The following ACAD11 variants were observed in gnomAD, a reference collection of about 807,000 sequenced individuals.
The protein encoded by ACAD11 is acyl-CoA dehydrogenase family member 11.
ACAD11 carries 83 observed loss-of-function variants against 102.2 expected under a neutral mutation model. The observed-to-expected ratio is 0.81, with a 90% confidence interval of 0.68 to 0.97. The LOEUF is 0.97. Among genes scored for constraint, ACAD11 ranks in the 50% least tolerant of loss-of-function variants. The probability of loss-of-function intolerance (pLI) is 0.00; values close to 1 mark genes in which losing one functional copy is unlikely to be tolerated. For synonymous variants in ACAD11, 324 were observed against 319.8 expected (o/e 1.01, Z -0.14); for missense variants, 901 against 951.7 (o/e 0.95, Z 0.70).
chr3:132,631,480 C>A lies in ACAD11; in HGVS notation c.703-1G>T, dbSNP rs1473906910. ...AATCCAGCACTGCTATAACTCGACA[C>A]TGTAATTAAAAATAAAGAGGTCTGT... is the stretch of plus-strand genomic sequence containing the variant. On this transcript the variant is annotated splice_acceptor_variant, in intron 5 of 19. Coordinates refer to ENST00000264990, the MANE Select transcript of ACAD11 (RefSeq NM_032169.5). LOFTEE classifies it high-confidence loss of function. The A allele has an allele frequency of 1.4e-6, 2 of 1,460,788 alleles. No individual in the cohort carries two copies. Among genetic ancestry groups the A allele is most frequent in the Non-Finnish European group, 9.1e-7 (1 of 1,101,922 alleles). The allele number at this position is 1,460,788 out of a possible 1,614,324, so 90.5% of individuals were successfully genotyped here. A position where few individuals can be genotyped will look rare whatever the true frequency, so the allele number is the denominator to read the frequency against.
chr3:132,620,886 A>G (rs995008993), intron 9 of ACAD11, among the ~76,000 whole-genome samples: 1 of 152,082 alleles, frequency 6.6e-6, no homozygotes, highest in South Asian at 2.1e-4. Flanking sequence ...ATTCTCACAC[A>G]CTCCAAAATT....
At chr3:132,610,105 C>T (rs768827742) in intron 11 of ACAD11, among the ~76,000 whole-genome samples, 1 of 152,024 alleles carries the variant, frequency 6.6e-6, no homozygotes, top group Non-Finnish European at 1.5e-5. Context: ...TCAATAAACT[C>T]GGTATTGATA....
At position 132,558,657 on chromosome 3, in the gene ACAD11, C is replaced by T. The variant is rs1356135808; in HGVS notation, c.*314G>A. ...CTAGGACTACAAGCATGTGCCACCA[C>T]ACTTGTTTCATTTTTAAATTTTTTG... On this transcript the variant is annotated 3_prime_UTR_variant, in exon 20 of 20. Coordinates refer to ENST00000264990, the MANE Select transcript of ACAD11 (RefSeq NM_032169.5). The T allele has an allele frequency of 1.2e-5, 3 of 251,516 alleles. No individual in the cohort carries two copies. Among genetic ancestry groups the T allele is most frequent in the Non-Finnish European group, 2.3e-5 (3 of 132,790 alleles). The allele number at this position is 251,516 out of a possible 1,614,324, so 15.6% of individuals were successfully genotyped here.
chr3:132,583,754 T>G (rs184773464), intron 13 of ACAD11, among the ~76,000 whole-genome samples: 3,080 of 152,348 alleles, frequency 0.02, 53 homozygotes, highest in Non-Finnish European at 0.032. Flanking sequence ...GTTGTGTCTT[T>G]GTTCTCGTTG....
intron 13 of ACAD11, among the ~76,000 whole-genome samples, chr3:132,593,766 G>C (rs140256123): frequency 6.6e-6 from 1 of 152,154 alleles, no homozygotes; most frequent in Non-Finnish European, 1.5e-5. Flanking sequence ...GAGGGTGTGG[G>C]GAGAGAGATT....
At chr3:132,650,574 A>G (rs1940892837) in intron 1 of ACAD11, among the ~76,000 whole-genome samples, 1 of 152,218 alleles carries the variant, frequency 6.6e-6, no homozygotes, top group Admixed American at 6.5e-5. Context: ...ACACAGGGTA[A>G]GGAAATACAG....
intron 4 of ACAD11, among the ~76,000 whole-genome samples, chr3:132,640,741 A>G (rs1437935329): frequency 6.6e-6 from 1 of 152,136 alleles, no homozygotes; most frequent in African/African-American, 2.4e-5. Context: ...TATATCTTAG[A>G]GTTGTTGTAA....
Position 132,644,848 on chromosome 3 carries a change from T to C in ACAD11, c.198A>G (p.Thr66=), listed in dbSNP as rs1050266883. The C allele has an allele frequency of 1.9e-6, 3 of 1,613,182 alleles. No individual in the cohort carries two copies. The South Asian group carries it at 3.3e-5, about 18-fold the overall frequency. The change falls in exon 2 of 20, where the codon ACA becomes ACG. Residue 66 remains threonine, a synonymous_variant. Coordinates refer to ENST00000264990, the MANE Select transcript of ACAD11 (RefSeq NM_032169.5). ...PTFYLQKGFQ[T]YVLRKKPPGS... is the part of the protein sequence containing the mutation. ...CTGGTGGTTTTTTCCTGAGCACATA[T>C]GTTTGAAAGCCCTTCTGGAGATAAA...
intron 13 of ACAD11, among the ~76,000 whole-genome samples, chr3:132,590,919 C>T (rs1938047232): frequency 6.6e-6 from 1 of 152,168 alleles, no homozygotes; most frequent in South Asian, 2.1e-4. Flanking sequence ...TTGTCAGATA[C>T]ATAGTTTGCA....
chr3:132,605,993 T>C (rs960147399), intron 11 of ACAD11, among the ~76,000 whole-genome samples: 4 of 152,208 alleles, frequency 2.6e-5, no homozygotes, highest in African/African-American at 9.6e-5. Context: ...CACTGCAGTA[T>C]TGCCCTTGGC....
At chr3:132,565,693 G>A (rs1456122) in intron 17 of ACAD11, among the ~76,000 whole-genome samples, 20,821 of 152,144 alleles carry the variant, frequency 0.14, 1,967 homozygotes, top group East Asian at 0.54. Context: ...GGTCATGGGG[G>A]AATATCCCTC....
chr3:132,576,799 C>G (rs1937530503), intron 16 of ACAD11, 145 bp downstream of exon 16: 2 of 641,788 alleles, frequency 3.1e-6, no homozygotes, highest in Admixed American at 6.6e-5. Context: ...AATTGCAGTT[C>G]AAAAACCGCA....
Position 132,652,562 on chromosome 3 carries a change from AT to A in ACAD11, c.149+7040del, listed in dbSNP as rs59780655. Among the ~76,000 whole-genome samples the A allele has an allele frequency of 6.3e-4, 94 of 148,538 alleles. 1 individual carries two copies. Among genetic ancestry groups the A allele is most frequent in the African/African-American group, 1.7e-3 (68 of 40,648 alleles). ...CAAAACTCCCATCCATGTTAAATCC[AT>A]TTTTTTTTTGCTTACACTGATATAA... is the stretch of plus-strand genomic sequence containing the variant. On this transcript the variant is annotated intron_variant, in intron 1 of 19. Transcript: ENST00000264990.
chr3:132,634,013 TA>T (rs1423749604), intron 5 of ACAD11, among the ~76,000 whole-genome samples: 1 of 152,054 alleles, frequency 6.6e-6, no homozygotes, highest in Non-Finnish European at 1.5e-5. Flanking sequence ...ACTTCATGTC[TA>T]AAACACCAAA....
At chr3:132,596,954 AG>A (rs1938337770) in intron 13 of ACAD11, among the ~76,000 whole-genome samples, 1 of 152,218 alleles carries the variant, frequency 6.6e-6, no homozygotes, top group Non-Finnish European at 1.5e-5. Context: ...GTATTTCTCT[AG>A]ATGCTACCTA....
intron 17 of ACAD11, among the ~76,000 whole-genome samples, chr3:132,562,053 T>A (rs114905791): frequency 1.1e-4 from 16 of 152,358 alleles, no homozygotes; most frequent in Admixed American, 2.6e-4. Flanking sequence ...ATGTATCAGT[T>A]GGTTTATCCA....
chr3:132,559,714 C>T (rs1936989406), intron 19 of ACAD11, 119 bp downstream of exon 19: 3 of 739,442 alleles, frequency 4.1e-6, no homozygotes, highest in African/African-American at 1.8e-5. Flanking sequence ...ATGTATATCA[C>T]TTCATTTAGC....
At chr3:132,599,439 G>A (rs768330667) in intron 13 of ACAD11, among the ~76,000 whole-genome samples, 7 of 151,886 alleles carry the variant, frequency 4.6e-5, no homozygotes, top group East Asian at 1.9e-4. Flanking sequence ...CCCGGGAGGC[G>A]GAGGTTGCAG....
intron 13 of ACAD11, among the ~76,000 whole-genome samples, chr3:132,598,704 G>A (rs1300627600): frequency 1.3e-5 from 2 of 152,202 alleles, no homozygotes; most frequent in African/African-American, 4.8e-5. Flanking sequence ...GAGCAATGAT[G>A]TAGACAGATG....
Sources: allele counts gnomAD v4.1 joint callset (sites outside exome capture counted in the v4.1 genomes callset), GRCh38; gene constraint gnomAD v4.1.1; transcripts MANE v1.5; gene names NCBI Gene and HGNC (gene_info 2026-07-23, HGNC 2026-07-21).